EIF4B: variants seen among roughly 807,000 people sequenced by gnomAD.
EIF4B encodes the protein eukaryotic translation initiation factor 4B.
Under a neutral mutation model 79.3 loss-of-function variants are expected in EIF4B, and 8 were observed. That is an observed-to-expected ratio of 0.10 (90% CI 0.06 to 0.18). EIF4B has a LOEUF of 0.18. Among genes scored for constraint, EIF4B ranks in the 10% least tolerant of loss-of-function variants. The pLI is 1.00. For missense variants in EIF4B, 515 were observed against 792.4 expected (o/e 0.65, Z 4.20); for synonymous variants, 238 against 274.7 (o/e 0.87, Z 1.32).
chr12:53,016,644 T>G (rs754606290), intron 2 of EIF4B, 34 bp downstream of exon 2: 1 of 1,539,166 alleles, frequency 6.5e-7, no homozygotes, highest in East Asian at 2.3e-5. Context: ...TTTGGAATGT[T>G]TATTATTTTC....
At chr12:53,029,721 G>C (rs7968162) in intron 8 of EIF4B, among the ~76,000 whole-genome samples, 122,436 of 151,994 alleles carry the variant, frequency 0.81, 51,384 homozygotes, top group Non-Finnish European at 0.93. Flanking sequence ...AAACTTTGTG[G>C]CAATGGCTTT....
At chr12:53,034,135 T>C in intron 9 of EIF4B, 101 bp downstream of exon 9, 8 of 1,211,368 alleles carry the variant, frequency 6.6e-6, no homozygotes, top group Admixed American at 2.3e-5. Context: ...GTTATCACAT[T>C]AGTGGTTGTC....
At chr12:53,020,140 C>T (rs1424588128) in intron 4 of EIF4B, 114 bp downstream of exon 4, 1 of 775,528 alleles carries the variant, frequency 1.3e-6, no homozygotes, top group Non-Finnish European at 2.0e-6. Flanking sequence ...CCCATATCTA[C>T]AAATAAAGGC....
rs1943611255 is a variant in EIF4B, at chr12:53,040,271, A to G, written c.*48A>G. 4 of 1,509,904 alleles carry G rather than the reference A, an allele frequency of 2.6e-6. No homozygotes were observed. The highest frequency in any genetic ancestry group is 3.7e-6 in the Non-Finnish European group (4 of 1,090,016). The allele number at this position is 1,509,904 out of a possible 1,614,324, so 93.5% of individuals were successfully genotyped here. On this transcript the variant is annotated 3_prime_UTR_variant, in exon 15 of 15. Coordinates refer to ENST00000262056, the MANE Select transcript of EIF4B (RefSeq NM_001417.7). ...TCCTAGTTTCTCTCCACCCTGGAAC[A>G]TTCGAGAGCAAATCAAAACCTCTAT...
intron 1 of EIF4B, among the ~76,000 whole-genome samples, chr12:53,015,496 G>T (rs1291971576): frequency 2.0e-5 from 3 of 151,746 alleles, no homozygotes; most frequent in Non-Finnish European, 4.4e-5. Context: ...CTTGAGACCA[G>T]CCTGGGCAAC....
chr12:53,039,688 G>A lies in EIF4B; in HGVS notation c.1741G>A (p.Glu581Lys), dbSNP rs751755063. ...TGCACCTGAGCCAAAGAAACCTGAGGAAAATCCAGCTTCCGTAAGTGTTGA... is the reference window on the plus strand; with the variant it reads ...TGCACCTGAGCCAAAGAAACCTGAGAAAAATCCAGCTTCCGTAAGTGTTGA... The part of the protein sequence containing the change: ...RSAPEPKKPE[E>K]NPASKFSSAS... The change falls in exon 14 of 15, where the codon GAA (glutamate) becomes AAA (lysine). Residue 581 changes from glutamate to lysine, a missense_variant. Glu to Lys is a moderately conservative substitution (Grantham distance 56, BLOSUM62 1). Around this residue, in one of 6 missense-constraint regions of EIF4B, gnomAD observed 60 missense variants for 56.7 expected, o/e 1.06. Transcript: ENST00000262056. 10 of 1,613,572 alleles carry A rather than the reference G, an allele frequency of 6.2e-6. No homozygotes were observed. In the South Asian group the frequency reaches 1.1e-4, roughly 18 times the overall value.
In EIF4B at chr12:53,037,402, T is replaced by A. The variant is rs1943557250; in HGVS notation, c.1307-7T>A. The A allele has an allele frequency of 3.1e-6, 5 of 1,610,246 alleles. No homozygotes were observed. The highest frequency in any genetic ancestry group is 4.2e-6 in the Non-Finnish European group (5 of 1,179,012). On this transcript the variant is annotated splice_region_variant and splice_polypyrimidine_tract_variant and intron_variant, in intron 10 of 14. Coordinates refer to ENST00000262056, the MANE Select transcript of EIF4B (RefSeq NM_001417.7). ...GATAATTTGATATTTTCACTCTGGC[T>A]TCACAGATGCACGAAGGAGAGAGAG...
At position 53,039,613 on chromosome 12, in the gene EIF4B, T is replaced by C; in HGVS notation, c.1683-17T>C. ...GTCCTTTCCTAAAGACATGGTTTTATGCTTACGTCTCTGCAGGAAAGATGG... is the reference window on the plus strand; with the variant it reads ...GTCCTTTCCTAAAGACATGGTTTTACGCTTACGTCTCTGCAGGAAAGATGG... On this transcript the variant is annotated splice_polypyrimidine_tract_variant and intron_variant, in intron 13 of 14. Transcript: ENST00000262056. The C allele has an allele frequency of 6.2e-7, 1 of 1,613,516 alleles. No homozygotes were observed. Among genetic ancestry groups the C allele is most frequent in the Admixed American group, 1.7e-5 (1 of 59,936 alleles).
chr12:53,023,477 C>T (rs529851172), intron 6 of EIF4B, among the ~76,000 whole-genome samples: 23 of 152,152 alleles, frequency 1.5e-4, no homozygotes, highest in Middle Eastern at 3.4e-3. Context: ...ATGATCCGCC[C>T]GCCTTGGCCT....
chr12:53,019,271 C>A (rs1308763307), intron 3 of EIF4B, among the ~76,000 whole-genome samples: 1 of 151,690 alleles, frequency 6.6e-6, no homozygotes, highest in African/African-American at 2.4e-5. Context: ...TGGTGGTACA[C>A]GTCTGTAATC....
intron 6 of EIF4B, among the ~76,000 whole-genome samples, chr12:53,024,223 A>C (rs537692643): frequency 3.9e-5 from 6 of 152,334 alleles, no homozygotes; most frequent in African/African-American, 1.4e-4. Context: ...AATACACAAA[A>C]GTAGACCACA....
intron 8 of EIF4B, among the ~76,000 whole-genome samples, chr12:53,030,799 G>T (rs939211566): frequency 6.6e-6 from 1 of 152,124 alleles, no homozygotes; most frequent in South Asian, 2.1e-4. Context: ...TGTTCCATCA[G>T]TGAGCTGAGG....
At position 53,026,209 on chromosome 12, in the gene EIF4B, A is replaced by AT. The variant is rs912364540; in HGVS notation, c.668-1563dup. 1.1e-3 allele frequency among the ~76,000 whole-genome samples: 165 copies of AT among 150,560 alleles called. 2 individuals are homozygous for AT. The highest frequency in any genetic ancestry group is 2.8e-4 in the Non-Finnish European group (19 of 67,464). ...AGTTAATTTATATTTAGAAATTCAGATTTTTTTTTTAACTTTAAAATCTGG... is the reference window on the plus strand; with the variant it reads ...AGTTAATTTATATTTAGAAATTCAGATTTTTTTTTTTAACTTTAAAATCTGG... On this transcript the variant is annotated intron_variant, in intron 6 of 14. Transcript: ENST00000262056.
chr12:53,006,999 G>A (rs1942974846), intron 1 of EIF4B, among the ~76,000 whole-genome samples: 1 of 151,742 alleles, frequency 6.6e-6, no homozygotes, highest in Non-Finnish European at 1.5e-5. Flanking sequence ...GAGGGGCGGG[G>A]GAAGGCAGCG....
Position 53,033,876 on chromosome 12 carries a change from T to C in EIF4B, c.1050T>C (p.Ser350=), listed in dbSNP as rs757480991. The change falls in exon 9 of 15, where the codon AGT becomes AGC. Residue 350 remains serine, a synonymous_variant. Transcript: ENST00000262056. ...CTAAGGAAGATGATTCCTCTGCTAG[T>C]ACCTCCCAGTCCACTCGAGCTGCTT... ...STPKEDDSSA[S]TSQSTRAASI... The C allele has an allele frequency of 3.1e-6, 5 of 1,614,084 alleles. No homozygotes were observed. Among genetic ancestry groups the C allele is most frequent in the Admixed American group, 1.7e-5 (1 of 60,026 alleles).
At chr12:53,012,597 C>CTTT (rs544968494) in intron 1 of EIF4B, among the ~76,000 whole-genome samples, 1 of 141,668 alleles carries the variant, frequency 7.1e-6, no homozygotes, top group African/African-American at 2.6e-5. Flanking sequence ...TTTTTTTTTC[C>CTTT]TTTTTTTTTT....
chr12:53,038,366 A>C lies in EIF4B; in HGVS notation c.1531A>C (p.Lys511Gln). The C allele has an allele frequency of 6.3e-7, 1 of 1,597,542 alleles. No individual in the cohort carries two copies. Among genetic ancestry groups the C allele is most frequent in the Non-Finnish European group, 8.5e-7 (1 of 1,171,578 alleles). The change falls in exon 12 of 15, where the codon AAA (lysine) becomes CAA (glutamine). Residue 511 changes from lysine to glutamine, a missense_variant. Lys to Gln is a moderately conservative substitution (Grantham distance 53). Transcript: ENST00000262056. ...CTGTTTTCCTTCTAGTGGTGGGGGA[A>C]AAGTAGCTCCAGCTCAACCATCTGA... ...EQQSPTSGGG[K>Q]VAPAQPSEEG...
intron 1 of EIF4B, chr12:53,013,579 G>A (rs1943100205): frequency 6.6e-6 from 1 of 152,128 alleles, no homozygotes; most frequent in Non-Finnish European, 1.5e-5. Flanking sequence ...TTGGGGTCAG[G>A]AGTTTGAGAC....
At chr12:53,037,745 G>A in intron 11 of EIF4B, 123 bp downstream of exon 11, 5 of 1,062,218 alleles carry the variant, frequency 4.7e-6, no homozygotes, top group Non-Finnish European at 6.8e-6. Context: ...GCTGGCTTTA[G>A]TCTCTTAGTG....
Sources: allele counts gnomAD v4.1 joint callset (sites outside exome capture counted in the v4.1 genomes callset), GRCh38; gene constraint gnomAD v4.1.1; regional missense constraint gnomAD v4.1.1; transcripts MANE v1.5; gene names NCBI Gene and HGNC (gene_info 2026-07-23, HGNC 2026-07-21).